The following GMEB2 variants were observed in gnomAD, a reference collection of about 807,000 sequenced individuals.
GMEB2 encodes glucocorticoid modulatory element binding protein 2.
In GMEB2, 7 loss-of-function variants were observed where a neutral mutation model predicts 45.7. The ratio of observed to expected loss-of-function variants is 0.15; its 90% CI spans 0.09 to 0.29. The LOEUF (loss-of-function observed/expected upper bound fraction) is 0.29, where lower values mean the gene tolerates loss of function less well. GMEB2 is among the 10% of genes least tolerant of loss of function. The pLI, the probability that GMEB2 is intolerant of heterozygous loss-of-function variation, is 1.00. For synonymous variants in GMEB2, 322 were observed against 323.6 expected, an observed-to-expected ratio of 1.00 and a Z score of 0.05; for missense variants, 582 against 739.2, an observed-to-expected ratio of 0.79 and a Z score of 2.47.
At chr20:63,606,457 C>G (rs1234103295) in intron 2 of GMEB2, among the ~76,000 whole-genome samples, 2 of 151,630 alleles carry the variant, frequency 1.3e-5, no homozygotes, top group African/African-American at 4.8e-5. Context: ...ACACCATTCT[C>G]CTGCCTCAGC....
chr20:63,605,993 T>C (rs940798243), intron 2 of GMEB2, among the ~76,000 whole-genome samples: 3 of 152,060 alleles, frequency 2.0e-5, no homozygotes, highest in Non-Finnish European at 2.9e-5. Flanking sequence ...ACCAGCAGGA[T>C]TCATGGAGGC....
At chr20:63,614,316 T>G (rs1414760019) in intron 2 of GMEB2, among the ~76,000 whole-genome samples, 1 of 151,994 alleles carries the variant, frequency 6.6e-6, no homozygotes, top group East Asian at 1.9e-4. Flanking sequence ...CATACAGAGA[T>G]AGGAGCTGAG....
chr20:63,590,414 G>T lies in GMEB2; in HGVS notation c.1268C>A (p.Pro423Gln). ...GSLQAPPASS[P>Q]ASPLLGGYTV... The stretch of plus-strand genomic sequence containing the variant: ...GTATCCCCCGAGCAGCGGGGAGGCC[G>T]GGGAGCTGGCGGGGGGCGCCTGAAG... The change falls in exon 10 of 10, where the codon CCG becomes CAG. Residue 423 changes from proline (P) to glutamine (Q), a missense_variant. Physicochemically the swap from Pro to Gln is moderately conservative, Grantham distance 76 (BLOSUM62 -1). This residue lies in a region of GMEB2 where 462 missense variants were observed against 586.7 expected (regional missense o/e 0.79). Transcript: ENST00000370077. 1 of 1,569,772 alleles carries T rather than the reference G, an allele frequency of 6.4e-7. No individual in the cohort carries two copies. The highest frequency in any genetic ancestry group is 8.7e-7 in the Non-Finnish European group (1 of 1,152,172).
At chr20:63,615,344 A>G in intron 2 of GMEB2, among the ~76,000 whole-genome samples, 1 of 151,888 alleles carries the variant, frequency 6.6e-6, no homozygotes, top group Non-Finnish European at 1.5e-5. Flanking sequence ...CTTTTTTTTG[A>G]GACAGGATCT....
chr20:63,617,715 C>T (rs1318461913), intron 2 of GMEB2, among the ~76,000 whole-genome samples: 2 of 152,002 alleles, frequency 1.3e-5, no homozygotes, highest in African/African-American at 2.4e-5. Context: ...GCCGCGGCCA[C>T]GGTGTCACGG....
chr20:63,624,335 A>G (rs373156399), intron 1 of GMEB2, among the ~76,000 whole-genome samples: 1,528 of 151,612 alleles, frequency 0.01, 23 homozygotes, highest in South Asian at 0.033. Context: ...AGGCTGAGGC[A>G]GGAGAATCTC....
intron 1 of GMEB2, among the ~76,000 whole-genome samples, chr20:63,623,336 T>C (rs2089651237): frequency 6.6e-6 from 1 of 152,164 alleles, no homozygotes; most frequent in Non-Finnish European, 1.5e-5. Context: ...GGCATCAGGG[T>C]CTCTGAAGAC....
rs547110228 is a variant in GMEB2, at chr20:63,604,918, C to T, written c.132-78G>A. ...CTGCAGGGCACTATTTTCCTGACAGCGCTTTGCTGACCTGTTACACTCTTC... is the reference window on the plus strand; with the variant it reads ...CTGCAGGGCACTATTTTCCTGACAGTGCTTTGCTGACCTGTTACACTCTTC... On this transcript the variant is annotated intron_variant, in intron 2 of 9. Coordinates refer to ENST00000370077, the MANE Select transcript of GMEB2 (RefSeq NM_012384.5). 6.1e-5 allele frequency: 51 copies of T among 835,816 alleles called. No homozygotes were observed. In the African/African-American group the frequency reaches 6.9e-4, roughly 11 times the overall value. 51.8% of individuals were successfully genotyped at this position (835,816 alleles called of 1,614,324 possible). A position where few individuals can be genotyped will look rare whatever the true frequency, so the allele number is the denominator to read the frequency against.
At chr20:63,598,600 C>T (rs908613449) in intron 4 of GMEB2, among the ~76,000 whole-genome samples, 1 of 152,180 alleles carries the variant, frequency 6.6e-6, no homozygotes, top group African/African-American at 2.4e-5. Context: ...ACGGGGGCCG[C>T]CTCCACCCCC....
intron 1 of GMEB2, among the ~76,000 whole-genome samples, chr20:63,623,979 G>A (rs1192662072): frequency 6.6e-6 from 1 of 151,316 alleles, no homozygotes; most frequent in Non-Finnish European, 1.5e-5. Flanking sequence ...GCGTGGTGGT[G>A]TGCCCATGTA....
At chr20:63,613,381 C>T (rs1369810613) in intron 2 of GMEB2, among the ~76,000 whole-genome samples, 2 of 152,252 alleles carry the variant, frequency 1.3e-5, no homozygotes, top group African/African-American at 4.8e-5. Flanking sequence ...GGGCACTGCG[C>T]CAGCCGTGCG....
chr20:63,606,826 G>T (rs539585005), intron 2 of GMEB2, among the ~76,000 whole-genome samples: 2 of 152,308 alleles, frequency 1.3e-5, no homozygotes, highest in African/African-American at 4.8e-5. Flanking sequence ...GAGAAACCCT[G>T]GAAAGACACT....
In GMEB2 at chr20:63,593,166, A is replaced by G. The variant is rs535323439; in HGVS notation, c.620-84T>C. On this transcript the variant is annotated intron_variant, in intron 6 of 9. Transcript: ENST00000370077. This position sits in a 1 kb window ranked among gnomAD's most constrained non-coding sequence, Gnocchi z 4.7. ...ATACCCTGTCCACCCTCCTCACACC[A>G]CCTTCTGAACCTTTCCATCTGTCTT... The G allele has an allele frequency of 9.1e-6, 7 of 766,444 alleles. No homozygotes were observed. The East Asian group carries it at 1.8e-4, about 20-fold the overall frequency. 47.5% of individuals were successfully genotyped at this position (766,444 alleles called of 1,614,324 possible).
chr20:63,614,118 C>A (rs2089590645), intron 2 of GMEB2, among the ~76,000 whole-genome samples: 1 of 152,084 alleles, frequency 6.6e-6, no homozygotes, highest in East Asian at 1.9e-4. Context: ...AGGGCACGAG[C>A]TGTTCCGGTG....
chr20:63,611,554 G>A (rs965624996), intron 2 of GMEB2, among the ~76,000 whole-genome samples: 1 of 151,732 alleles, frequency 6.6e-6, no homozygotes, highest in South Asian at 2.1e-4. Context: ...GGAGGCTGCT[G>A]CAGTGAGCTG....
chr20:63,610,224 A>G (rs2089558511), intron 2 of GMEB2, among the ~76,000 whole-genome samples: 1 of 152,200 alleles, frequency 6.6e-6, no homozygotes, highest in Non-Finnish European at 1.5e-5. Flanking sequence ...AGTTTGCTTA[A>G]AAACACACGC....
At chr20:63,601,564 G>A (rs760396083) in intron 4 of GMEB2, among the ~76,000 whole-genome samples, 2 of 150,984 alleles carry the variant, frequency 1.3e-5, no homozygotes, top group Non-Finnish European at 2.9e-5. Context: ...GAAGAAACTG[G>A]GGTCTCAGTA....
At chr20:63,612,067 A>C (rs2089575362) in intron 2 of GMEB2, among the ~76,000 whole-genome samples, 2 of 152,208 alleles carry the variant, frequency 1.3e-5, no homozygotes, top group South Asian at 4.1e-4. Context: ...AAAAACAAAA[A>C]ATCATTTCAT....
intron 1 of GMEB2, among the ~76,000 whole-genome samples, chr20:63,622,319 C>G (rs959693413): frequency 6.6e-6 from 1 of 152,214 alleles, no homozygotes; most frequent in African/African-American, 2.4e-5. Context: ...TGGCCCTGCA[C>G]TCACTAAGGG....
Sources: allele counts gnomAD v4.1 joint callset (sites outside exome capture counted in the v4.1 genomes callset), GRCh38; gene constraint gnomAD v4.1.1; regional missense constraint gnomAD v4.1.1; non-coding constraint Gnocchi (gnomAD v3.1); transcripts MANE v1.5; gene names NCBI Gene and HGNC (gene_info 2026-07-23, HGNC 2026-07-21).